The following SLC9C1 variants were observed in gnomAD, a reference collection of about 807,000 sequenced individuals.
SLC9C1 encodes the protein sodium/hydrogen exchanger 10.
In SLC9C1, 97 loss-of-function variants were observed where a neutral mutation model predicts 140.9. The ratio of observed to expected loss-of-function variants is 0.69; its 90% CI spans 0.58 to 0.82. The LOEUF (loss-of-function observed/expected upper bound fraction) is 0.82. Ranked by LOEUF, SLC9C1 falls within the 40% of genes least tolerant of loss-of-function variation. The pLI, the probability that SLC9C1 is intolerant of heterozygous loss-of-function variation, is 0.00. For missense variants in SLC9C1, 1,340 were observed against 1,389.3 expected (o/e 0.96, Z 0.56); for synonymous variants, 440 against 442.6 (o/e 0.99, Z 0.07).
chr3:112,255,982 G>A (rs1358505028), intron 10 of SLC9C1, among the ~76,000 whole-genome samples: 1 of 152,094 alleles, frequency 6.6e-6, no homozygotes, highest in African/African-American at 2.4e-5. Flanking sequence ...AAACCTAGAA[G>A]AGATGGATAA....
At chr3:112,221,030 G>A in intron 14 of SLC9C1, 98 bp downstream of exon 14, 1 of 906,996 alleles carries the variant, frequency 1.1e-6, no homozygotes, top group Non-Finnish European at 1.7e-6. Context: ...TAATAGTAGA[G>A]GGAGCCAAGT....
At chr3:112,200,789 C>T in intron 18 of SLC9C1, 27 bp from the exon 19 acceptor site, 1 of 1,579,944 alleles carries the variant, frequency 6.3e-7, no homozygotes, top group Non-Finnish European at 8.6e-7. Context: ...ATGTTATCCC[C>T]ATTGGAAAAA....
intron 9 of SLC9C1, 39 bp downstream of exon 9, chr3:112,264,161 A>AATT (rs1363720704): frequency 2.2e-6 from 2 of 902,014 alleles, no homozygotes; most frequent in Non-Finnish European, 2.9e-6. Context: ...AAACTTACTC[A>AATT]ATTATCTATA....
At chr3:112,216,340 G>A (rs2078367719) in intron 15 of SLC9C1, among the ~76,000 whole-genome samples, 3 of 152,172 alleles carry the variant, frequency 2.0e-5, no homozygotes, top group South Asian at 4.1e-4. Flanking sequence ...GGCAACAAAA[G>A]CCAAAATTGA....
chr3:112,212,274 C>T (rs925426344), intron 15 of SLC9C1, among the ~76,000 whole-genome samples: 4 of 152,150 alleles, frequency 2.6e-5, no homozygotes, highest in Non-Finnish European at 5.9e-5. Context: ...AGCAGAAAAG[C>T]TGAAAATTCC....
intron 3 of SLC9C1, among the ~76,000 whole-genome samples, chr3:112,279,275 T>C (rs1471215958): frequency 1.3e-5 from 2 of 152,200 alleles, no homozygotes; most frequent in Admixed American, 6.5e-5. Flanking sequence ...GGTTTATGCA[T>C]ACAGGCATTG....
At position 112,246,415 on chromosome 3, in the gene SLC9C1, T is replaced by G. The variant is rs148420125; in HGVS notation, c.1198-2339A>C. On this transcript the variant is annotated intron_variant, in intron 10 of 28. Transcript: ENST00000305815. ...ACCCAGACTTCTTGATAAAATGTAC[T>G]TAAACGATTTTCCAAGTTTAGTATT... is the stretch of plus-strand genomic sequence containing the variant. Among the ~76,000 whole-genome samples, 5 of 152,296 alleles carry G rather than the reference T, an allele frequency of 3.3e-5. No individual in the cohort carries two copies. The East Asian group carries it at 9.6e-4, about 29-fold the overall frequency.
At chr3:112,269,714 A>C (rs2080018966) in intron 7 of SLC9C1, among the ~76,000 whole-genome samples, 1 of 148,672 alleles carries the variant, frequency 6.7e-6, no homozygotes, top group Non-Finnish European at 1.5e-5. Context: ...CTTTTATAAT[A>C]GTGTTTGCTA....
At chr3:112,222,933 T>C (rs192985631) in intron 13 of SLC9C1, among the ~76,000 whole-genome samples, 109 of 152,282 alleles carry the variant, frequency 7.2e-4, no homozygotes, top group South Asian at 5.0e-3. Flanking sequence ...TTTTTAGGTC[T>C]GAAACATCTT....
intron 6 of SLC9C1, among the ~76,000 whole-genome samples, chr3:112,272,022 A>G (rs950513945): frequency 7.2e-5 from 11 of 152,136 alleles, no homozygotes; most frequent in African/African-American, 2.7e-4. Flanking sequence ...TCCACAGAGC[A>G]ATGTCATGAT....
At chr3:112,209,149 T>C (rs1023145581) in intron 15 of SLC9C1, among the ~76,000 whole-genome samples, 9 of 152,224 alleles carry the variant, frequency 5.9e-5, no homozygotes, top group Non-Finnish European at 1.0e-4. Flanking sequence ...CAGATCATTT[T>C]CTCATTCTCA....
chr3:112,283,250 A>G lies in SLC9C1; in HGVS notation c.89-2467T>C, dbSNP rs575784056. Among the ~76,000 whole-genome samples, 5 of 152,286 alleles carry G rather than the reference A, an allele frequency of 3.3e-5. No homozygotes were observed. In the South Asian group the frequency reaches 1.0e-3, roughly 32 times the overall value. On this transcript the variant is annotated intron_variant, in intron 2 of 28. Transcript: ENST00000305815. ...GTGATCCTTGCACTTTGGGTGGCCAAAGCAGAAGGATCCCTTGAGGCCAGG... is the reference window on the plus strand; with the variant it reads ...GTGATCCTTGCACTTTGGGTGGCCAGAGCAGAAGGATCCCTTGAGGCCAGG...
chr3:112,170,940 G>A lies in SLC9C1; in HGVS notation c.2920-1612C>T, dbSNP rs190717924. ...CCATGTATGAAAATTTCAGCTGGGC[G>A]TGGTGGCTCATGCCTGTAATCTTAG... On this transcript the variant is annotated intron_variant, in intron 23 of 28. Transcript: ENST00000305815. 1.0e-3 allele frequency among the ~76,000 whole-genome samples: 156 copies of A among 152,298 alleles called. 3 individuals are homozygous for A. The East Asian group carries it at 0.013, about 12-fold the overall frequency.
intron 2 of SLC9C1, among the ~76,000 whole-genome samples, chr3:112,283,062 A>G (rs2080402507): frequency 6.6e-6 from 1 of 152,268 alleles, no homozygotes; most frequent in African/African-American, 2.4e-5. Context: ...TTTACCGAGG[A>G]GTAAACATGG....
At chr3:112,218,288 C>G (rs1182677314) in intron 14 of SLC9C1, among the ~76,000 whole-genome samples, 1 of 151,460 alleles carries the variant, frequency 6.6e-6, no homozygotes, top group Non-Finnish European at 1.5e-5. Context: ...CAGATACTTT[C>G]ATCGTCATGA....
At chr3:112,255,457 A>G (rs1162662765) in intron 10 of SLC9C1, among the ~76,000 whole-genome samples, 1 of 152,206 alleles carries the variant, frequency 6.6e-6, no homozygotes, top group Non-Finnish European at 1.5e-5. Context: ...TTACATGGAA[A>G]TTAAACAACC....
chr3:112,236,005 T>C (rs370108713), intron 12 of SLC9C1, among the ~76,000 whole-genome samples: 1 of 152,012 alleles, frequency 6.6e-6, no homozygotes, highest in Non-Finnish European at 1.5e-5. Context: ...GGGAGGATTC[T>C]CTCTTTTTCT....
At chr3:112,273,664 T>C (rs11919745) in intron 6 of SLC9C1, among the ~76,000 whole-genome samples, 44,174 of 152,016 alleles carry the variant, frequency 0.29, 6,969 homozygotes, top group East Asian at 0.43. Flanking sequence ...AATAGAGGTA[T>C]ACAGGGTCCC....
At chr3:112,189,688 T>C (rs969572117) in intron 20 of SLC9C1, among the ~76,000 whole-genome samples, 5 of 152,216 alleles carry the variant, frequency 3.3e-5, no homozygotes, top group African/African-American at 1.2e-4. Context: ...CTTTGTTCTT[T>C]TGGCTTAGGA....
Sources: allele counts gnomAD v4.1 joint callset (sites outside exome capture counted in the v4.1 genomes callset), GRCh38; gene constraint gnomAD v4.1.1; transcripts MANE v1.5; gene names NCBI Gene and HGNC (gene_info 2026-07-23, HGNC 2026-07-21).